PEX11G: variants seen among roughly 807,000 people sequenced by gnomAD.
The protein encoded by PEX11G is peroxisomal membrane protein 11C.
In PEX11G, 20 loss-of-function variants were observed where a neutral mutation model predicts 22.5. The observed-to-expected ratio is 0.89, with a 90% CI of 0.62 to 1.29. The LOEUF is 1.29. PEX11G is among the 50% of genes most tolerant of loss of function. PEX11G has a pLI of 0.00. For missense variants in PEX11G, 347 were observed against 331.3 expected, an observed-to-expected ratio of 1.05 and a Z score of -0.37; for synonymous variants, 141 against 154.5, an observed-to-expected ratio of 0.91 and a Z score of 0.65.
intron 2 of PEX11G, among the ~76,000 whole-genome samples, chr19:7,485,223 G>A (rs2021587296): frequency 1.3e-5 from 2 of 152,148 alleles, no homozygotes; most frequent in Admixed American, 1.3e-4. Flanking sequence ...GGCTGCCAGT[G>A]CAGTGGCACA....
chr19:7,491,747 G>T (rs1415484478), upstream of PEX11G, among the ~76,000 whole-genome samples: 1 of 151,638 alleles, frequency 6.6e-6, no homozygotes, highest in Non-Finnish European at 1.5e-5. Flanking sequence ...TGAACTCCTG[G>T]GCCTGAGAGA....
intron 1 of PEX11G, among the ~76,000 whole-genome samples, chr19:7,487,968 A>G (rs1312532184): frequency 1.3e-5 from 2 of 152,182 alleles, no homozygotes; most frequent in Admixed American, 1.3e-4. Flanking sequence ...ACTGGTGGGG[A>G]CAAGCTAAGA....
intron 3 of PEX11G, 107 bp downstream of exon 3, chr19:7,481,926 G>A: frequency 8.7e-7 from 1 of 1,151,966 alleles, no homozygotes; most frequent in South Asian, 1.8e-5. Flanking sequence ...AAGAGGCAAA[G>A]ACCCACCGCA....
chr19:7,480,580 G>A (rs1409556366), intron 3 of PEX11G, among the ~76,000 whole-genome samples: 1 of 152,248 alleles, frequency 6.6e-6, no homozygotes, highest in African/African-American at 2.4e-5. Flanking sequence ...AACAGTGGGA[G>A]TCTGGGTTGG....
intron 2 of PEX11G, among the ~76,000 whole-genome samples, chr19:7,485,418 C>T (rs1260061120): frequency 2.6e-5 from 4 of 151,138 alleles, no homozygotes; most frequent in Non-Finnish European, 4.4e-5. Flanking sequence ...TGCAGTGGCG[C>T]GATCTCGGCT....
chr19:7,485,598 G>A (rs113276366), intron 2 of PEX11G, among the ~76,000 whole-genome samples: 2,487 of 151,750 alleles, frequency 0.016, 72 homozygotes, highest in African/African-American at 0.057. Flanking sequence ...CTCGTGATCC[G>A]CTCGCCTCAG....
chr19:7,480,882 C>T (rs772529028), intron 3 of PEX11G, among the ~76,000 whole-genome samples: 58 of 152,176 alleles, frequency 3.8e-4, no homozygotes, highest in Admixed American at 2.0e-4. Context: ...TCTGACTCAG[C>T]GCATTTGCAA....
chr19:7,489,888 T>C (rs1013624749), upstream of PEX11G, among the ~76,000 whole-genome samples: 2 of 151,756 alleles, frequency 1.3e-5, no homozygotes, highest in African/African-American at 4.8e-5. Flanking sequence ...GACGGAGTCT[T>C]GCTCTGTCCC....
intron 3 of PEX11G, among the ~76,000 whole-genome samples, chr19:7,481,244 G>C (rs1977476867): frequency 6.6e-6 from 1 of 152,164 alleles, no homozygotes; most frequent in African/African-American, 2.4e-5. Context: ...TCTGTCGCCA[G>C]GCTGGAGTGC....
upstream of PEX11G, among the ~76,000 whole-genome samples, chr19:7,493,495 T>TC (rs1421055281): frequency 6.7e-6 from 1 of 148,996 alleles, no homozygotes; most frequent in Non-Finnish European, 1.5e-5. Context: ...ATGCCCAGCC[T>TC]CTTTTTTTTT....
At chr19:7,494,099 GTTTTGC>G (rs759945033) in intron 1 of PEX11G, among the ~76,000 whole-genome samples, 7 of 152,116 alleles carry the variant, frequency 4.6e-5, no homozygotes, top group African/African-American at 1.4e-4. Context: ...TAGAGATGGG[GTTTTGC>G]CCTGTTGGCC....
In PEX11G at chr19:7,477,087, TG is replaced by T; in HGVS notation, c.*114del. ...TCAGTCCCTCCACCCACCCTGCCCA[TG>T]GGTTTCACCACAGGCAGCTCCATGA... On this transcript the variant is annotated 3_prime_UTR_variant, in exon 5 of 5. Transcript: ENST00000221480. 1 of 1,006,512 alleles carries T rather than the reference TG, an allele frequency of 9.9e-7. No homozygotes were observed. The highest frequency in any genetic ancestry group is 1.4e-6 in the Non-Finnish European group (1 of 739,472). The allele number at this position is 1,006,512 out of a possible 1,614,324, so 62.3% of individuals were successfully genotyped here. A position where few individuals can be genotyped will look rare whatever the true frequency, so the allele number is the denominator to read the frequency against.
At chr19:7,482,980 G>C (rs1445421157) in intron 2 of PEX11G, among the ~76,000 whole-genome samples, 1 of 152,130 alleles carries the variant, frequency 6.6e-6, no homozygotes, top group Non-Finnish European at 1.5e-5. Context: ...TAGAGCCAGC[G>C]AGGCAGGACC....
At chr19:7,486,263 A>C in intron 1 of PEX11G, among the ~76,000 whole-genome samples, 1 of 152,084 alleles carries the variant, frequency 6.6e-6, no homozygotes, top group African/African-American at 2.4e-5. Flanking sequence ...AGTAGCTGGG[A>C]TTACAGGCGC....
intron 1 of PEX11G, among the ~76,000 whole-genome samples, chr19:7,486,454 A>G (rs989531725): frequency 9.2e-5 from 14 of 151,854 alleles, no homozygotes; most frequent in African/African-American, 3.4e-4. Context: ...TAAATCTACA[A>G]AGTGACAGTA....
At chr19:7,488,628 C>T (rs1350601155) in intron 1 of PEX11G, among the ~76,000 whole-genome samples, 1 of 152,108 alleles carries the variant, frequency 6.6e-6, no homozygotes, top group Non-Finnish European at 1.5e-5. Context: ...GATGAAACTC[C>T]GTCTCTACTA....
In PEX11G at chr19:7,482,134, C is replaced by T; in HGVS notation, c.327G>A (p.Val109=). ...GGACCCGGGCATCAGCCGCCCAGGC[C>T]ACGTGCTCACAGGGGTAGTAGAGCT... ...ADQLYYPCEH[V]AWAADARVLH... is the part of the protein sequence containing the mutation. The change falls in exon 3 of 5, where the codon GTG becomes GTA. Residue 109 remains valine, a synonymous_variant. Transcript: ENST00000221480. 6.3e-7 allele frequency: 1 copy of T among 1,596,412 alleles called. No homozygotes were observed. Among genetic ancestry groups the T allele is most frequent in the East Asian group, 2.3e-5 (1 of 44,030 alleles).
upstream of PEX11G, among the ~76,000 whole-genome samples, chr19:7,492,417 G>A (rs1248066624): frequency 6.6e-6 from 1 of 152,076 alleles, no homozygotes; most frequent in Admixed American, 6.6e-5. Context: ...GATGACTAAT[G>A]ATGTCAACGA....
intron 4 of PEX11G, among the ~76,000 whole-genome samples, chr19:7,477,642 G>A (rs997229096): frequency 7.4e-4 from 112 of 152,008 alleles, no homozygotes; most frequent in Admixed American, 7.1e-3. Context: ...GCAGGAACCC[G>A]GGTCCAAGTC....
Sources: allele counts gnomAD v4.1 joint callset (sites outside exome capture counted in the v4.1 genomes callset), GRCh38; gene constraint gnomAD v4.1.1; transcripts MANE v1.5; gene names NCBI Gene and HGNC (gene_info 2026-07-23, HGNC 2026-07-21).